The following LPAR1 variants were observed in gnomAD, a reference collection of about 807,000 sequenced individuals.
The protein encoded by LPAR1 is LPA receptor 1.
A neutral mutation model predicts 23.8 loss-of-function variants in LPAR1; 5 were observed. The observed-to-expected ratio is 0.21, with a 90% CI of 0.11 to 0.44. The LOEUF is 0.44. LPAR1 is among the 20% of genes least tolerant of loss of function. The pLI is 0.99. For synonymous variants in LPAR1, 160 were observed against 164.7 expected (o/e 0.97, Z 0.22); for missense variants, 311 against 482.8 (o/e 0.64, Z 3.33).
intron 4 of LPAR1, among the ~76,000 whole-genome samples, chr9:110,947,110 T>C (rs2095410275): frequency 6.6e-6 from 1 of 152,190 alleles, no homozygotes; most frequent in Admixed American, 6.5e-5. Context: ...AATGACAATT[T>C]TGTAAAATTT....
Position 111,012,668 on chromosome 9 carries a change from C to CA in LPAR1, c.-182+23453dup, listed in dbSNP as rs562146127. ...TCTGGGATGTGGTAGGAGGATGAGA[C>CA]AGAGTTTTAAATGGGGCTGATGGGG... On this transcript the variant is annotated intron_variant, in intron 2 of 5. Transcript: ENST00000683809. 3.0e-3 allele frequency among the ~76,000 whole-genome samples: 460 copies of CA among 152,126 alleles called. 2 individuals carry two copies. The highest frequency in any genetic ancestry group is 2.9e-3 in the Non-Finnish European group (198 of 67,988).
chr9:111,026,284 T>C (rs1047558269), intron 2 of LPAR1, among the ~76,000 whole-genome samples: 1 of 152,168 alleles, frequency 6.6e-6, no homozygotes, highest in Non-Finnish European at 1.5e-5. Flanking sequence ...ATTCTCTTTG[T>C]AGCAATTGTG....
chr9:111,031,311 C>T (rs1423850774), intron 2 of LPAR1, among the ~76,000 whole-genome samples: 2 of 148,170 alleles, frequency 1.3e-5, no homozygotes, highest in Admixed American at 6.9e-5. Context: ...CATCCCAACA[C>T]TTTGGGAGGC....
rs1051789165 is a variant in LPAR1, at chr9:110,987,399, C to T, written c.-181-13841G>A. Among the ~76,000 whole-genome samples, 21 of 150,706 alleles carry T rather than the reference C, an allele frequency of 1.4e-4. 1 individual carries two copies. Among genetic ancestry groups the T allele is most frequent in the Admixed American group, 6.6e-5 (1 of 15,074 alleles). ...TATATGTTTATATAATATTTCAACT[C>T]CCAATAATTTCATCTCCAGTGCCAC... On this transcript the variant is annotated intron_variant, in intron 2 of 5. Coordinates refer to ENST00000683809, the MANE Select transcript of LPAR1 (RefSeq NM_001351411.2).
intron 2 of LPAR1, among the ~76,000 whole-genome samples, chr9:111,026,565 C>T (rs1385008079): frequency 1.3e-5 from 2 of 152,042 alleles, no homozygotes; most frequent in African/African-American, 4.8e-5. Flanking sequence ...AATACTATGT[C>T]GAATAGGAGT....
intron 2 of LPAR1, among the ~76,000 whole-genome samples, chr9:110,995,253 G>C (rs1022453412): frequency 6.6e-6 from 1 of 152,080 alleles, no homozygotes; most frequent in Non-Finnish European, 1.5e-5. Context: ...CAAAGTTTGA[G>C]AGCCAAATAA....
intron 2 of LPAR1, among the ~76,000 whole-genome samples, chr9:110,985,379 CT>C (rs1381146278): frequency 6.6e-6 from 1 of 151,586 alleles, no homozygotes; most frequent in Non-Finnish European, 1.5e-5. Flanking sequence ...GCTTCTCCAG[CT>C]TTTCAATTAG....
intron 5 of LPAR1, among the ~76,000 whole-genome samples, chr9:110,936,336 A>G (rs1408170452): frequency 1.3e-5 from 2 of 152,218 alleles, no homozygotes; most frequent in East Asian, 3.8e-4. Flanking sequence ...TGAATAAGAA[A>G]ACTATGGTCT....
intron 5 of LPAR1, among the ~76,000 whole-genome samples, chr9:110,904,877 G>A (rs1009838410): frequency 5.9e-5 from 9 of 152,170 alleles, no homozygotes; most frequent in African/African-American, 2.2e-4. Context: ...CTGTAAGAAA[G>A]TTCACAATCC....
At chr9:110,970,497 T>C (rs1192476398) in intron 4 of LPAR1, among the ~76,000 whole-genome samples, 1 of 152,020 alleles carries the variant, frequency 6.6e-6, no homozygotes, top group Non-Finnish European at 1.5e-5. Flanking sequence ...CTAAACATTC[T>C]GGAAAATAAT....
chr9:110,923,236 A>T (rs1198908370), intron 5 of LPAR1, among the ~76,000 whole-genome samples: 1 of 152,224 alleles, frequency 6.6e-6, no homozygotes, highest in Admixed American at 6.5e-5. Flanking sequence ...GTTATGTATC[A>T]TGTATTTTAT....
At chr9:110,916,096 G>A (rs1447503520) in intron 5 of LPAR1, among the ~76,000 whole-genome samples, 1 of 152,162 alleles carries the variant, frequency 6.6e-6, no homozygotes, top group Non-Finnish European at 1.5e-5. Flanking sequence ...ACATTTAAAT[G>A]CATGTATACA....
intron 5 of LPAR1, among the ~76,000 whole-genome samples, chr9:110,918,040 C>A (rs939802974): frequency 6.6e-6 from 1 of 152,062 alleles, no homozygotes; most frequent in Non-Finnish European, 1.5e-5. Flanking sequence ...GTAGCTGGGA[C>A]AAGAGGCATG....
At chr9:110,943,275 C>T (rs143268104) in intron 4 of LPAR1, among the ~76,000 whole-genome samples, 129 of 151,576 alleles carry the variant, frequency 8.5e-4, no homozygotes, top group Non-Finnish European at 1.2e-3. Context: ...ATCTTGAAGA[C>T]GGTTCACATT....
chr9:110,907,825 T>G (rs930418074), intron 5 of LPAR1, among the ~76,000 whole-genome samples: 2 of 152,042 alleles, frequency 1.3e-5, no homozygotes, highest in African/African-American at 4.8e-5. Context: ...ATGGTAAGGA[T>G]GGCTTACTAT....
chr9:110,968,896 T>G (rs1171539087), intron 4 of LPAR1, among the ~76,000 whole-genome samples: 1 of 152,174 alleles, frequency 6.6e-6, no homozygotes, highest in South Asian at 2.1e-4. Context: ...CAGGTTGGCT[T>G]CATTAATGCT....
At chr9:110,922,192 A>T (rs994285633) in intron 5 of LPAR1, among the ~76,000 whole-genome samples, 2 of 152,202 alleles carry the variant, frequency 1.3e-5, no homozygotes, top group Non-Finnish European at 2.9e-5. Flanking sequence ...TGCCCCCAGG[A>T]ACCTTGGGGT....
intron 4 of LPAR1, among the ~76,000 whole-genome samples, chr9:110,969,393 C>T (rs994540828): frequency 7.2e-5 from 11 of 152,044 alleles, no homozygotes; most frequent in African/African-American, 2.7e-4. Context: ...TAATATATAG[C>T]TGTGTAGACA....
chr9:110,975,302 G>A (rs1466449078), intron 2 of LPAR1, among the ~76,000 whole-genome samples: 1 of 152,154 alleles, frequency 6.6e-6, no homozygotes, highest in Non-Finnish European at 1.5e-5. Flanking sequence ...TATGTCATAT[G>A]ACGTTATTAC....
Sources: allele counts gnomAD v4.1 joint callset (sites outside exome capture counted in the v4.1 genomes callset), GRCh38; gene constraint gnomAD v4.1.1; transcripts MANE v1.5; gene names NCBI Gene and HGNC (gene_info 2026-07-23, HGNC 2026-07-21).